The following AUTS2 variants were observed in gnomAD, a reference collection of about 807,000 sequenced individuals.
AUTS2 encodes activator of transcription and developmental regulator AUTS2, also known as autism susceptibility gene 2 protein.
A neutral mutation model predicts 112.4 loss-of-function variants in AUTS2; 17 were observed. The observed-to-expected ratio is 0.15, with a 90% CI of 0.10 to 0.23. The LOEUF (loss-of-function observed/expected upper bound fraction) is 0.23, where lower values mean the gene tolerates loss of function less well. AUTS2 is among the 10% of genes least tolerant of loss of function. The pLI, the probability that AUTS2 is intolerant of heterozygous loss-of-function variation, is 1.00. For missense variants in AUTS2, 1,510 were observed against 1,701.6 expected (o/e 0.89, Z 1.98); for synonymous variants, 751 against 702.7 (o/e 1.07, Z -1.09).
At chr7:69,761,051 ACTGATACAATG>A (rs1327358851) in intron 1 of AUTS2, among the ~76,000 whole-genome samples, 1 of 152,182 alleles carries the variant, frequency 6.6e-6, no homozygotes, top group African/African-American at 2.4e-5. Context: ...ATGGCCAACC[ACTGATACAATG>A]CTGAGAGTTG....
At chr7:70,183,521 C>T (rs78237330) in intron 4 of AUTS2, among the ~76,000 whole-genome samples, 2,669 of 152,288 alleles carry the variant, frequency 0.018, 27 homozygotes, top group African/African-American at 0.029. Flanking sequence ...CAGCCCTGGA[C>T]GGCAGTAACT....
rs1357840089 is a variant in AUTS2 at position 70,143,407 on chromosome 7, G to T, written c.660+8836G>T. Among the ~76,000 whole-genome samples the T allele has an allele frequency of 2.0e-5, 3 of 152,204 alleles. No homozygotes were observed. In the East Asian group the frequency reaches 5.8e-4, roughly 29 times the overall value. ...TGACAAGCTGTTTAGATATAGCACA[G>T]TTGATAAACTGTCAGATCCTGTACA... On this transcript the variant is annotated intron_variant, in intron 4 of 18. Coordinates refer to ENST00000342771, the MANE Select transcript of AUTS2 (RefSeq NM_015570.4).
intron 5 of AUTS2, among the ~76,000 whole-genome samples, chr7:70,603,074 C>T (rs917655267): frequency 7.2e-5 from 11 of 152,166 alleles, no homozygotes; most frequent in African/African-American, 2.4e-4. Context: ...GTTATATCTA[C>T]GTAGAAGATT....
chr7:69,874,316 A>G (rs1793633043), intron 1 of AUTS2, among the ~76,000 whole-genome samples: 1 of 152,196 alleles, frequency 6.6e-6, no homozygotes, highest in Non-Finnish European at 1.5e-5. Context: ...CTTACTCCAG[A>G]GGTGGGAGTC....
At chr7:69,610,082 CT>C (rs1281029180) in intron 1 of AUTS2, among the ~76,000 whole-genome samples, 1 of 152,176 alleles carries the variant, frequency 6.6e-6, no homozygotes, top group African/African-American at 2.4e-5. Context: ...TTTTATTAAT[CT>C]TTTATCAAGC....
chr7:70,650,612 G>T (rs1241178708), intron 5 of AUTS2, among the ~76,000 whole-genome samples: 1 of 152,228 alleles, frequency 6.6e-6, no homozygotes, highest in Admixed American at 6.5e-5. Flanking sequence ...TTTCAAATGT[G>T]TGAAGTCAGA....
chr7:70,759,508 A>C (rs755361020), intron 6 of AUTS2, among the ~76,000 whole-genome samples: 1 of 152,218 alleles, frequency 6.6e-6, no homozygotes, highest in Non-Finnish European at 1.5e-5. Context: ...AAGTTAAAGG[A>C]GTGCCGTACA....
intron 1 of AUTS2, among the ~76,000 whole-genome samples, chr7:69,626,432 T>C (rs1240231092): frequency 1.3e-5 from 2 of 152,164 alleles, no homozygotes; most frequent in African/African-American, 4.8e-5. Flanking sequence ...AGCAGTAATG[T>C]CATTTTTGTT....
intron 2 of AUTS2, among the ~76,000 whole-genome samples, chr7:70,078,398 T>C (rs1803140313): frequency 2.0e-5 from 3 of 152,220 alleles, no homozygotes; most frequent in Admixed American, 2.0e-4. Flanking sequence ...TGACGAATTG[T>C]TTATTTCTGG....
At chr7:70,241,117 G>A (rs950876459) in intron 4 of AUTS2, among the ~76,000 whole-genome samples, 10 of 152,096 alleles carry the variant, frequency 6.6e-5, no homozygotes, top group African/African-American at 1.4e-4. Context: ...ATTACAAAGC[G>A]GATTCATGGT....
intron 5 of AUTS2, among the ~76,000 whole-genome samples, chr7:70,554,660 G>A (rs979444442): frequency 1.3e-5 from 2 of 152,100 alleles, no homozygotes; most frequent in African/African-American, 4.8e-5. Flanking sequence ...TTTCACCAGA[G>A]AAGCCAGCCT....
chr7:70,696,573 T>G (rs1809117474), intron 5 of AUTS2, among the ~76,000 whole-genome samples: 1 of 152,166 alleles, frequency 6.6e-6, no homozygotes, highest in South Asian at 2.1e-4. Context: ...GGTTCAGACA[T>G]GAGGATCACG....
chr7:69,704,641 T>C (rs920033287), intron 1 of AUTS2, among the ~76,000 whole-genome samples: 3 of 152,120 alleles, frequency 2.0e-5, no homozygotes, highest in African/African-American at 7.2e-5. Flanking sequence ...CTATCTGCTA[T>C]TCTCAATACA....
At chr7:69,848,312 G>A (rs1792305014) in intron 1 of AUTS2, among the ~76,000 whole-genome samples, 1 of 152,182 alleles carries the variant, frequency 6.6e-6, no homozygotes, top group South Asian at 2.1e-4. Flanking sequence ...TCAGTCATTT[G>A]TTTTGATGTA....
intron 1 of AUTS2, among the ~76,000 whole-genome samples, chr7:69,703,809 T>C (rs940215198): frequency 2.6e-5 from 4 of 152,258 alleles, no homozygotes; most frequent in Non-Finnish European, 4.4e-5. Flanking sequence ...TCAAGAGTGC[T>C]AGTCTGTTTG....
chr7:69,645,713 G>A (rs919355000), intron 1 of AUTS2, among the ~76,000 whole-genome samples: 1 of 152,092 alleles, frequency 6.6e-6, no homozygotes, highest in African/African-American at 2.4e-5. Context: ...AGTTTAAGGT[G>A]GTTTCTGTGG....
Position 70,528,907 on chromosome 7 carries a change from AAGG to A in AUTS2, c.690+93131_690+93133del, listed in dbSNP as rs976751364. 4.6e-5 allele frequency among the ~76,000 whole-genome samples: 7 copies of A among 152,296 alleles called. No individual in the cohort carries two copies. The South Asian group carries it at 8.3e-4, about 18-fold the overall frequency. On this transcript the variant is annotated intron_variant, in intron 5 of 18. Coordinates refer to ENST00000342771, the MANE Select transcript of AUTS2 (RefSeq NM_015570.4). ...AAAGTAAGGGTGGGCAAAGCAAATG[AAGG>A]AGGATAATAGCAACCAGAAAAACTT...
intron 1 of AUTS2, among the ~76,000 whole-genome samples, chr7:69,817,617 G>A (rs1313864002): frequency 2.6e-5 from 4 of 152,200 alleles, no homozygotes; most frequent in Non-Finnish European, 4.4e-5. Flanking sequence ...AGGGGACTTT[G>A]TGGGGGAAGT....
At chr7:70,280,112 C>A (rs1788134989) in intron 4 of AUTS2, among the ~76,000 whole-genome samples, 1 of 152,086 alleles carries the variant, frequency 6.6e-6, no homozygotes, top group African/African-American at 2.4e-5. Flanking sequence ...GTATCAGTTG[C>A]TTCACAATGT....
Sources: gnomAD v4.1 joint callset for allele counts (sites outside exome capture counted in the v4.1 genomes callset) on GRCh38, gnomAD v4.1.1 for gene constraint, MANE v1.5 for transcripts, NCBI Gene and HGNC (gene_info 2026-07-23, HGNC 2026-07-21) for gene names.